SAGE1: variants seen among roughly 807,000 people sequenced by gnomAD.
SAGE1 encodes the protein cancer/testis antigen 14.
In SAGE1, 55 loss-of-function variants were observed where a neutral mutation model predicts 55.4. That is an observed-to-expected ratio of 0.99 (90% CI 0.80 to 1.24). SAGE1 has a LOEUF of 1.24. Ranked by LOEUF, SAGE1 falls within the 50% of genes most tolerant of loss-of-function variation. SAGE1 has a pLI of 0.00. For synonymous variants in SAGE1, 240 were observed against 244.3 expected, an observed-to-expected ratio of 0.98 and a Z score of 0.17; for missense variants, 710 against 704.4, an observed-to-expected ratio of 1.01 and a Z score of -0.09.
At chrX:135,906,191 C>G (rs782748950) in intron 6 of SAGE1, 27 bp downstream of exon 6, 16 of 1,183,928 alleles carry the variant, frequency 1.4e-5, no homozygotes, top group Non-Finnish European at 1.5e-5. Flanking sequence ...ATTGTGCTGT[C>G]TTACTTGGTT....
intron 1 of SAGE1, among the ~76,000 whole-genome samples, chrX:135,894,499 C>A (rs1355089796): frequency 4.5e-5 from 5 of 111,615 alleles, no homozygotes; most frequent in South Asian, 3.7e-4. Flanking sequence ...GTATTAATAA[C>A]CCCCCTTTCA....
Position 135,912,978 on chromosome X carries a change from C to A in SAGE1, c.*81C>A. On this transcript the variant is annotated 3_prime_UTR_variant, in exon 20 of 20. Transcript: ENST00000370709. ...GGTTATTGCTGAAGCTCCCTATAAT[C>A]CTGAAATGAAGAGAATTCCCTTCCA... The A allele has an allele frequency of 1.6e-6, 1 of 616,481 alleles. No individual in the cohort carries two copies. The highest frequency in any genetic ancestry group is 2.5e-6 in the Non-Finnish European group (1 of 396,473). The allele number at this position is 616,481 out of a possible 1,213,427, so 50.8% of individuals were successfully genotyped here.
chrX:135,902,415 C>T (rs1396794857), intron 3 of SAGE1, among the ~76,000 whole-genome samples: 11 of 112,278 alleles, frequency 9.8e-5, no homozygotes, highest in Non-Finnish European at 2.1e-4. Context: ...TGACCTCCCT[C>T]TCTCCAAAAA....
rs1441323166 is a variant in SAGE1 at position 135,912,554 on chromosome X, T to A, written c.2615+140T>A. ...ATGCTATTTCCACAGGCATTTAGGT[T>A]GATACTATCTTATTCTAACACTTTC... On this transcript the variant is annotated intron_variant, in intron 19 of 19. Transcript: ENST00000370709. 8.7e-6 allele frequency: 10 copies of A among 1,144,917 alleles called. No homozygotes were observed. In the Admixed American group the frequency reaches 3.2e-4, roughly 37 times the overall value. The allele number at this position is 1,144,917 out of a possible 1,213,427, so 94.4% of individuals were successfully genotyped here.
intron 2 of SAGE1, among the ~76,000 whole-genome samples, chrX:135,900,067 G>T (rs1556595586): frequency 9.0e-6 from 1 of 110,875 alleles, no homozygotes; most frequent in Non-Finnish European, 1.9e-5. Context: ...TCCTTGTTTT[G>T]TGCCAGTTTC....
chrX:135,900,583 C>G (rs7889547), intron 2 of SAGE1, among the ~76,000 whole-genome samples: 15,102 of 110,038 alleles, frequency 0.14, 957 homozygotes, highest in Non-Finnish European at 0.18. Flanking sequence ...CTTCTTGGTA[C>G]CTCTAGTAGG....
rs782531265 is a variant in SAGE1, at chrX:135,909,661, C to T, written c.1605C>T (p.Val535=). Reference sequence around the variant, plus strand: ...CAGATGCTACCGTCACTCAAAATGTCCATGAAGAGAGGATGGAAAATAACC... The same window carrying T: ...CAGATGCTACCGTCACTCAAAATGTTCATGAAGAGAGGATGGAAAATAACC... ...KDLYATVTQN[V]HEERMENNQP... Residue 535 remains valine, a synonymous_variant, in exon 14 of 20, where the codon GTC becomes GTT. Transcript: ENST00000370709. 15 of 1,205,100 alleles carry T rather than the reference C, an allele frequency of 1.2e-5. No individual in the cohort carries two copies. In the South Asian group the frequency reaches 2.0e-4, roughly 16 times the overall value.
chrX:135,900,882 C>A (rs1158450120), intron 2 of SAGE1, among the ~76,000 whole-genome samples: 2 of 110,310 alleles, frequency 1.8e-5, no homozygotes, highest in South Asian at 3.9e-4. Context: ...TGTGGTGGCT[C>A]GCACCTGTAA....
chrX:135,911,694 T>A lies in SAGE1; in HGVS notation c.2262T>A (p.Cys754Ter), dbSNP rs1556606619. 5 of 1,206,902 alleles carry A rather than the reference T, an allele frequency of 4.1e-6. No individual in the cohort carries two copies. Among genetic ancestry groups the A allele is most frequent in the South Asian group, 1.8e-5 (1 of 56,861 alleles). ...AGCTGATAAATATGACAGGACATTG[T>A]ATGCCACCCAATGCATTGGATTCTT... ...SPELINMTGHCMPPNALDSFS... is the reference protein window; with the variant it reads ...SPELINMTGH Residue 754 changes from cysteine (C) to a stop codon, truncating the protein, a stop_gained, in exon 18 of 20, where the codon TGT becomes TGA. Coordinates refer to ENST00000370709, the MANE Select transcript of SAGE1 (RefSeq NM_001381902.1). LOFTEE classifies it high-confidence loss of function.
intron 3 of SAGE1, among the ~76,000 whole-genome samples, chrX:135,902,081 C>G (rs782777882): frequency 8.0e-5 from 9 of 111,943 alleles, no homozygotes; most frequent in Non-Finnish European, 1.7e-4. Flanking sequence ...CTTGGGTCCC[C>G]AGACACCTGG....
At position 135,908,562 on chromosome X, in the gene SAGE1, C is replaced by T. The variant is rs1556603879; in HGVS notation, c.1386C>T (p.Ser462=). ...KQDNVLSNVL[S]GLINMAGASI... is the part of the protein sequence containing the mutation. ...ATAACGTCTTGTCAAATGTTCTATC[C>T]GGGCTTATTAATATGGCAGGAGCTA... Residue 462 remains serine (S), a synonymous_variant, in exon 12 of 20, where the codon TCC becomes TCT. Coordinates refer to ENST00000370709, the MANE Select transcript of SAGE1 (RefSeq NM_001381902.1). The T allele has an allele frequency of 7.5e-6, 9 of 1,205,606 alleles. No individual in the cohort carries two copies. The highest frequency in any genetic ancestry group is 3.5e-5 in the African/African-American group (2 of 57,449).
chrX:135,903,585 A>T (rs782592154), intron 3 of SAGE1, among the ~76,000 whole-genome samples: 3 of 112,756 alleles, frequency 2.7e-5, no homozygotes, highest in East Asian at 2.8e-4. Flanking sequence ...CTGTAGAATC[A>T]TATAAAAATA....
chrX:135,901,968 A>C (rs1252812916), intron 3 of SAGE1, among the ~76,000 whole-genome samples: 6 of 111,661 alleles, frequency 5.4e-5, no homozygotes. Context: ...GTGTACTCCA[A>C]TGAAACTACT....
rs142279610 is a variant in SAGE1 at position 135,905,373 on chromosome X, C to T, written c.435C>T (p.Ser145=). The T allele has an allele frequency of 7.2e-5, 87 of 1,201,328 alleles. No homozygotes were observed. The highest frequency in any genetic ancestry group is 4.6e-4 in the Middle Eastern group (2 of 4,334). The change falls in exon 5 of 20, where the codon TCC becomes TCT. Residue 145 remains serine, a synonymous_variant. Transcript: ENST00000370709. ...LVHMAAAGIP[S]MSTRDLHSTV... ...ATATGGCTGCAGCTGGTATTCCATC[C>T]ATGAGTACCAGGGATCTGCGTATGT...
chrX:135,900,875 G>A (rs2088663434), intron 2 of SAGE1, among the ~76,000 whole-genome samples: 1 of 111,024 alleles, frequency 9.0e-6, no homozygotes, highest in South Asian at 3.8e-4. Flanking sequence ...GGCCGGGTGT[G>A]GTGGCTCGCA....
Position 135,908,241 on chromosome X carries a change from T to C in SAGE1, c.1300+12T>C. The C allele has an allele frequency of 8.4e-7, 1 of 1,189,054 alleles. No homozygotes were observed. ...TACCAGGGATCAGTGTATGTTTGCTTACTAGTTGTACTATCCTACTTGGTT... is the reference window on the plus strand; with the variant it reads ...TACCAGGGATCAGTGTATGTTTGCTCACTAGTTGTACTATCCTACTTGGTT... On this transcript the variant is annotated intron_variant, in intron 11 of 19. Transcript: ENST00000370709.
chrX:135,911,919 T>G lies in SAGE1; in HGVS notation c.2487T>G (p.Tyr829Ter). The change falls in exon 18 of 20, where the codon TAT becomes TAG. Residue 829 changes from tyrosine to a stop codon, truncating the protein, a stop_gained. Transcript: ENST00000370709. LOFTEE classifies it high-confidence loss of function. ...MAKKINDDIK[Y>*]QLMKEVRRFG... The stretch of plus-strand genomic sequence containing the variant: ...AGAAAATTAATGATGATATAAAATA[T>G]CAATTAATGAAAGAAGTTCGAAGGT... 8.3e-7 allele frequency: 1 copy of G among 1,208,666 alleles called. No homozygotes were observed.
At chrX:135,904,171 C>G (rs1336615916) in intron 3 of SAGE1, among the ~76,000 whole-genome samples, 2 of 111,803 alleles carry the variant, frequency 1.8e-5, no homozygotes, top group African/African-American at 6.5e-5. Flanking sequence ...TCCATCAGTG[C>G]TTATTAGTAT....
intron 12 of SAGE1, 81 bp downstream of exon 12, chrX:135,908,698 G>A: frequency 9.4e-7 from 1 of 1,060,664 alleles, no homozygotes. Context: ...AGGTTGTTTT[G>A]TGAATTATCT....
Sources: allele counts gnomAD v4.1 joint callset (sites outside exome capture counted in the v4.1 genomes callset), GRCh38; gene constraint gnomAD v4.1.1; transcripts MANE v1.5; gene names NCBI Gene and HGNC (gene_info 2026-07-23, HGNC 2026-07-21).